Variants in TRIM15 observed in about 807,000 individuals in gnomAD.
TRIM15 encodes the protein tripartite motif containing 15.
A neutral mutation model predicts 35.8 loss-of-function variants in TRIM15; 35 were observed. The ratio of observed to expected loss-of-function variants is 0.98; its 90% CI spans 0.75 to 1.30. The LOEUF (loss-of-function observed/expected upper bound fraction) is 1.30. Among genes scored for constraint, TRIM15 ranks in the 50% most tolerant of loss-of-function variants. TRIM15 has a pLI of 0.00. For synonymous variants in TRIM15, 252 were observed against 249.8 expected (o/e 1.01, Z -0.08); for missense variants, 590 against 593.5 (o/e 0.99, Z 0.06).
rs1229267094 is a variant in TRIM15, at chr6:30,163,979, G to C, written c.295G>C (p.Glu99Gln). The C allele has an allele frequency of 6.2e-7, 1 of 1,613,134 alleles. No individual in the cohort carries two copies. Among genetic ancestry groups the C allele is most frequent in the Non-Finnish European group, 8.5e-7 (1 of 1,180,036 alleles). ...KIYFFCENDA[E>Q]FLCVFCREGP... ...CTACTTCTTCTGCGAGAACGATGCC[G>C]AGTTCCTCTGTGTGTTCTGCAGGGA... The change falls in exon 1 of 7, where the codon GAG becomes CAG. Residue 99 changes from glutamate to glutamine, a missense_variant. Coordinates refer to ENST00000376694, the MANE Select transcript of TRIM15 (RefSeq NM_033229.3).
chr6:30,169,102 A>G (rs951099149), intron 3 of TRIM15, 139 bp from the exon 4 acceptor site: 5 of 958,106 alleles, frequency 5.2e-6, no homozygotes, highest in Non-Finnish European at 8.1e-6. Context: ...GAACAATCTA[A>G]TGAGTAGGTA....
In TRIM15 at chr6:30,171,818, G is replaced by T. The variant is rs1208261561; in HGVS notation, c.881-14G>T. On this transcript the variant is annotated splice_polypyrimidine_tract_variant and intron_variant, in intron 6 of 6. Coordinates refer to ENST00000376694, the MANE Select transcript of TRIM15 (RefSeq NM_033229.3). The stretch of plus-strand genomic sequence containing the variant: ...TGCCGCCCGCTGTTGATGTCTGCGC[G>T]CTCCTCCCTCTAGGGGTCATCACTC... 6 of 1,500,638 alleles carry T rather than the reference G, an allele frequency of 4.0e-6. No individual in the cohort carries two copies. The highest frequency in any genetic ancestry group is 5.3e-6 in the Non-Finnish European group (6 of 1,125,334). 93.0% of individuals were successfully genotyped at this position (1,500,638 alleles called of 1,614,324 possible).
chr6:30,167,392 C>T, intron 2 of TRIM15, 121 bp downstream of exon 2: 1 of 768,412 alleles, frequency 1.3e-6, no homozygotes, highest in Non-Finnish European at 2.1e-6. Context: ...TCTCGTTCAC[C>T]TTCCTGTGGC....
intron 1 of TRIM15, among the ~76,000 whole-genome samples, chr6:30,166,883 A>T (rs1773636940): frequency 6.6e-6 from 1 of 152,184 alleles, no homozygotes. Flanking sequence ...CTTTCAAGGC[A>T]CATTGTAAAT....
intron 3 of TRIM15, among the ~76,000 whole-genome samples, chr6:30,169,021 C>CTGAA (rs1188877085): frequency 2.0e-5 from 3 of 152,202 alleles, no homozygotes; most frequent in Non-Finnish European, 4.4e-5. Flanking sequence ...CACGATAAGG[C>CTGAA]TGAAACAGGG....
At chr6:30,168,608 G>T (rs1252445467) in intron 3 of TRIM15, 78 bp downstream of exon 3, 2 of 1,364,480 alleles carry the variant, frequency 1.5e-6, no homozygotes, top group Non-Finnish European at 2.0e-6. Flanking sequence ...CTTTGGGCTG[G>T]AGAGAGGCAG....
intron 6 of TRIM15, among the ~76,000 whole-genome samples, chr6:30,171,559 A>C (rs1295349367): frequency 6.6e-6 from 1 of 152,194 alleles, no homozygotes; most frequent in Non-Finnish European, 1.5e-5. Context: ...TAAAATGCAG[A>C]TTCTGATTTA....
chr6:30,165,493 A>T (rs987173610), intron 1 of TRIM15, among the ~76,000 whole-genome samples: 10 of 152,224 alleles, frequency 6.6e-5, no homozygotes, highest in Non-Finnish European at 1.3e-4. Context: ...TTCTTTATCC[A>T]GTCTATCATT....
intron 3 of TRIM15, among the ~76,000 whole-genome samples, 172 bp from the exon 4 acceptor site, chr6:30,169,069 T>C (rs1773825459): frequency 6.6e-6 from 1 of 152,008 alleles, no homozygotes; most frequent in Non-Finnish European, 1.5e-5. Flanking sequence ...AAACCCAAAT[T>C]AGTAAGAAAA....
At chr6:30,165,680 T>C (rs1773547705) in intron 1 of TRIM15, among the ~76,000 whole-genome samples, 1 of 152,340 alleles carries the variant, frequency 6.6e-6, no homozygotes, top group South Asian at 2.1e-4. Context: ...GTTGCCACAC[T>C]GTCTTCCACA....
chr6:30,172,317 A>G lies in TRIM15; in HGVS notation c.1366A>G (p.Lys456Glu), dbSNP rs754642700. ...AGTCTTCCCTTTCTTTGCCGTCTGG[A>G]AAAAAGGTTCCTGCCTTACGCTGAA... ...GKVFPFFAVW[K>E]KGSCLTLKG The change falls in exon 7 of 7, where the codon AAA (lysine) becomes GAA (glutamate). Residue 456 changes from lysine (K) to glutamate (E), a missense_variant. Physicochemically the swap from Lys to Glu is moderately conservative, Grantham distance 56 (BLOSUM62 1). Transcript: ENST00000376694. 3 of 1,611,038 alleles carry G rather than the reference A, an allele frequency of 1.9e-6. No individual in the cohort carries two copies. Among genetic ancestry groups the G allele is most frequent in the East Asian group, 2.2e-5 (1 of 44,874 alleles).
rs558913038 is a variant in TRIM15, at chr6:30,164,997, T to G, written c.381+932T>G. On this transcript the variant is annotated intron_variant, in intron 1 of 6. Coordinates refer to ENST00000376694, the MANE Select transcript of TRIM15 (RefSeq NM_033229.3). ...TTTCCTGAGTTGTCTTATTCATTCC[T>G]GCTTCCAATACTTTTTGCACATAGT... Among the ~76,000 whole-genome samples, 16 of 152,330 alleles carry G rather than the reference T, an allele frequency of 1.1e-4. No individual in the cohort carries two copies. The South Asian group carries it at 1.9e-3, about 18-fold the overall frequency.
At chr6:30,164,260 G>C (rs1375322531) in intron 1 of TRIM15, among the ~76,000 whole-genome samples, 195 bp downstream of exon 1, 1 of 152,186 alleles carries the variant, frequency 6.6e-6, no homozygotes, top group Non-Finnish European at 1.5e-5. Flanking sequence ...TGGTCTGGGG[G>C]GAACTTCAGC....
rs1562136672 is a variant in TRIM15, at chr6:30,163,554, T to TTC, written c.-121_-120dup. On this transcript the variant is annotated 5_prime_UTR_variant, in exon 1 of 7. Coordinates refer to ENST00000376694, the MANE Select transcript of TRIM15 (RefSeq NM_033229.3). Reference sequence around the variant, plus strand: ...CTGGCATTCTTGCCTCTCTCTCTCTTTCTCTCTCTCTGTCTCTTAGCCTTG... The same window carrying TTC: ...CTGGCATTCTTGCCTCTCTCTCTCTTTCTCTCTCTCTCTGTCTCTTAGCCTTG... The TTC allele has an allele frequency of 3.5e-6, 4 of 1,136,730 alleles. No individual in the cohort carries two copies. The highest frequency in any genetic ancestry group is 4.7e-6 in the Non-Finnish European group (4 of 850,328). 70.4% of individuals were successfully genotyped at this position (1,136,730 alleles called of 1,614,324 possible).
chr6:30,167,139 T>C (rs1260057056), intron 1 of TRIM15, 37 bp from the exon 2 acceptor site: 2 of 1,541,578 alleles, frequency 1.3e-6, no homozygotes, highest in African/African-American at 1.4e-5. Flanking sequence ...GAATTATTAA[T>C]TCAGTCACCT....
At chr6:30,171,791 G>T in intron 6 of TRIM15, 41 bp from the exon 7 acceptor site, 1 of 1,471,172 alleles carries the variant, frequency 6.8e-7, no homozygotes, top group Non-Finnish European at 9.0e-7. Flanking sequence ...AACATCTGTG[G>T]TTGCCGCCCG....
chr6:30,163,836 C>A lies in TRIM15; in HGVS notation c.152C>A (p.Ser51Ter). 1.2e-6 allele frequency: 2 copies of A among 1,613,048 alleles called. No homozygotes were observed. Among genetic ancestry groups the A allele is most frequent in the Non-Finnish European group, 1.7e-6 (2 of 1,180,038 alleles). ...CTCTCCCAGATGGGGGCCCAATCCTCGGGCAAGATCCTGCTCTGCCCGCTC... is the reference window on the plus strand; with the variant it reads ...CTCTCCCAGATGGGGGCCCAATCCTAGGGCAAGATCCTGCTCTGCCCGCTC... ...PALSQMGAQS[S>*]GKILLCPLCQ... is the part of the protein sequence containing the mutation. The change falls in exon 1 of 7, where the codon TCG (serine) becomes TAG (stop). Residue 51 changes from serine (S) to a stop codon, truncating the protein, a stop_gained. Transcript: ENST00000376694. LOFTEE classifies it high-confidence loss of function.
chr6:30,169,717 AT>A (rs1488837128), intron 4 of TRIM15: 1 of 360,286 alleles, frequency 2.8e-6, no homozygotes, highest in African/African-American at 2.1e-5. Context: ...GAATTTTCTA[AT>A]GCTACTGTAA....
At position 30,172,497 on chromosome 6, in the gene TRIM15, CTTTA is replaced by C. The variant is rs371041335; in HGVS notation, c.*154_*157del. The C allele has an allele frequency of 4.2e-6, 5 of 1,200,014 alleles. No individual in the cohort carries two copies. Among genetic ancestry groups the C allele is most frequent in the African/African-American group, 3.1e-5 (2 of 65,338 alleles). 74.3% of individuals were successfully genotyped at this position (1,200,014 alleles called of 1,614,324 possible). On this transcript the variant is annotated 3_prime_UTR_variant, in exon 7 of 7. Coordinates refer to ENST00000376694, the MANE Select transcript of TRIM15 (RefSeq NM_033229.3). ...GAGTCTCGAACAGCGGTTGTTTTTA[CTTTA>C]TTTATCTTAGGCCCTCAGCTCCCTG...
Sources: gnomAD v4.1 joint callset for allele counts (sites outside exome capture counted in the v4.1 genomes callset) on GRCh38, gnomAD v4.1.1 for gene constraint, MANE v1.5 for transcripts, NCBI Gene and HGNC (gene_info 2026-07-23, HGNC 2026-07-21) for gene names.